KDM1A: variants seen among roughly 807,000 people sequenced by gnomAD.
KDM1A encodes lysine demethylase 1A, also known as lysine-specific histone demethylase 1A.
In KDM1A, 49 loss-of-function variants were observed where a neutral mutation model predicts 109.4. That is an observed-to-expected ratio of 0.45 (90% CI 0.36 to 0.57). KDM1A has a LOEUF of 0.57. Among genes scored for constraint, KDM1A ranks in the 20% least tolerant of loss-of-function variants. The probability of loss-of-function intolerance (pLI) is 0.00; values close to 1 mark genes in which losing one functional copy is unlikely to be tolerated. For synonymous variants in KDM1A, 380 were observed against 415.4 expected (o/e 0.91, Z 1.04); for missense variants, 668 against 1,116.6 (o/e 0.60, Z 5.73).
intron 1 of KDM1A, among the ~76,000 whole-genome samples, chr1:23,026,378 TTTTG>T (rs991565420): frequency 1.9e-5 from 2 of 105,212 alleles, no homozygotes; most frequent in Admixed American, 9.0e-5. Context: ...TGTTTTTGTT[TTTTG>T]TTTGTCTGTT....
chr1:23,019,622 C>T lies in KDM1A; in HGVS notation c.26C>T (p.Ala9Val), dbSNP rs751277416. 2.1e-6 allele frequency: 3 copies of T among 1,420,642 alleles called. No individual in the cohort carries two copies. Among genetic ancestry groups the T allele is most frequent in the South Asian group, 1.5e-5 (1 of 65,566 alleles). 88.0% of individuals were successfully genotyped at this position (1,420,642 alleles called of 1,614,324 possible). A position where few individuals can be genotyped will look rare whatever the true frequency, so the allele number is the denominator to read the frequency against. MLSGKKAA[A>V]AAAAAAAAAT... ...ATGTTATCTGGGAAGAAGGCGGCAGCCGCGGCGGCGGCGGCTGCAGCGGCA... is the reference window on the plus strand; with the variant it reads ...ATGTTATCTGGGAAGAAGGCGGCAGTCGCGGCGGCGGCGGCTGCAGCGGCA... Residue 9 changes from alanine to valine, a missense_variant, in exon 1 of 21, where the codon GCC (alanine) becomes GTC (valine). By Grantham distance (64) the Ala-to-Val change is moderately conservative (BLOSUM62 0). This residue lies in a region of KDM1A where 156 missense variants were observed against 163.4 expected (regional missense o/e 0.95). Coordinates refer to ENST00000400181, the MANE Select transcript of KDM1A (RefSeq NM_001009999.3).
intron 9 of KDM1A, among the ~76,000 whole-genome samples, chr1:23,061,910 T>C (rs567340719): frequency 4.8e-4 from 73 of 152,236 alleles, no homozygotes; most frequent in African/African-American, 1.7e-3. Flanking sequence ...CCACCCACCT[T>C]AGCCTCCCAA....
In KDM1A at chr1:23,079,780, A is replaced by C. The variant is rs1643566228; in HGVS notation, c.2170+113A>C. The C allele has an allele frequency of 3.3e-6, 2 of 610,226 alleles. No individual in the cohort carries two copies. The allele number at this position is 610,226 out of a possible 1,614,324, so 37.8% of individuals were successfully genotyped here. On this transcript the variant is annotated intron_variant, in intron 18 of 20. Transcript: ENST00000400181. This position sits in a 1 kb window ranked among gnomAD's most constrained non-coding sequence, Gnocchi z 5.6. ...TAATTTCTCTCTTTATTAACTCAACAAACAATTCCTGAAATACCTTCTAGG... is the reference window on the plus strand; with the variant it reads ...TAATTTCTCTCTTTATTAACTCAACCAACAATTCCTGAAATACCTTCTAGG...
intron 12 of KDM1A, 42 bp from the exon 13 acceptor site, chr1:23,071,183 C>T: frequency 6.5e-7 from 1 of 1,549,964 alleles, no homozygotes; most frequent in Non-Finnish European, 8.8e-7. Context: ...ACATAAACTA[C>T]ATTGCTATCT....
rs1643223419 is a variant in KDM1A at position 23,068,666 on chromosome 1, T to C, written c.1307T>C (p.Leu436Ser). Residue 436 changes from leucine (L) to serine (S), a missense_variant, in exon 11 of 21, where the codon TTG (leucine) becomes TCG (serine). Leu to Ser is a moderately radical substitution (Grantham distance 145). Around this residue, in one of 8 missense-constraint regions of KDM1A, gnomAD observed 62 missense variants for 82.8 expected, o/e 0.75. Coordinates refer to ENST00000400181, the MANE Select transcript of KDM1A (RefSeq NM_001009999.3). ...NNKPVSLGQA[L>S]EVVIQLQEKH... ...AAGCCTGTGTCCCTTGGCCAGGCATTGGAAGTTGTCATTCAGTAAGTACTT... is the reference window on the plus strand; with the variant it reads ...AAGCCTGTGTCCCTTGGCCAGGCATCGGAAGTTGTCATTCAGTAAGTACTT... 2 of 1,563,220 alleles carry C rather than the reference T, an allele frequency of 1.3e-6. No homozygotes were observed. The highest frequency in any genetic ancestry group is 1.7e-6 in the Non-Finnish European group (2 of 1,164,374).
At chr1:23,039,564 A>G (rs1250811278) in intron 2 of KDM1A, among the ~76,000 whole-genome samples, 1 of 152,216 alleles carries the variant, frequency 6.6e-6, no homozygotes, top group Non-Finnish European at 1.5e-5. Context: ...AGGTTTGGGT[A>G]CTGGAAAGGG....
chr1:23,083,644 TTTG>T lies in KDM1A; in HGVS notation c.*283_*285del, dbSNP rs1381469907. ...TCTTAGTCCCTTGGTGTGTGGGGTT[TTTG>T]TTTTTTTTTTATATTTTGAGAATAA... On this transcript the variant is annotated 3_prime_UTR_variant, in exon 21 of 21. Coordinates refer to ENST00000400181, the MANE Select transcript of KDM1A (RefSeq NM_001009999.3). The T allele has an allele frequency of 4.7e-5, 10 of 211,932 alleles. No homozygotes were observed. The East Asian group carries it at 6.0e-4, about 13-fold the overall frequency. 13.1% of individuals were successfully genotyped at this position (211,932 alleles called of 1,614,324 possible). A position where few individuals can be genotyped will look rare whatever the true frequency, so the allele number is the denominator to read the frequency against.
chr1:23,077,069 G>A (rs1363415433), intron 15 of KDM1A, among the ~76,000 whole-genome samples, 159 bp from the exon 16 acceptor site: 2 of 151,850 alleles, frequency 1.3e-5, no homozygotes, highest in African/African-American at 4.8e-5. Flanking sequence ...AGTTTCCTTT[G>A]GTAACTGTAG....
chr1:23,078,772 T>A (rs1303856118), intron 16 of KDM1A, among the ~76,000 whole-genome samples: 1 of 152,248 alleles, frequency 6.6e-6, no homozygotes, highest in African/African-American at 2.4e-5. Context: ...GATTCTGAAG[T>A]TGACTACAAG....
At chr1:23,029,184 A>G (rs377183191) in intron 1 of KDM1A, among the ~76,000 whole-genome samples, 6 of 152,352 alleles carry the variant, frequency 3.9e-5, no homozygotes, top group Non-Finnish European at 5.9e-5. Context: ...AGCTATATCA[A>G]AGACATTTAG....
intron 2 of KDM1A, among the ~76,000 whole-genome samples, chr1:23,042,788 G>A (rs949239858): frequency 2.0e-5 from 3 of 150,452 alleles, no homozygotes; most frequent in African/African-American, 2.5e-5. Flanking sequence ...TTGCTCTGTC[G>A]CCCAGGCTGG....
chr1:23,074,511 C>T (rs1643407309), intron 15 of KDM1A, among the ~76,000 whole-genome samples: 1 of 152,010 alleles, frequency 6.6e-6, no homozygotes, highest in Non-Finnish European at 1.5e-5. Context: ...ATCATGGCTC[C>T]CTTGCAGCCT....
chr1:23,058,215 G>A (rs1212209216), intron 8 of KDM1A, among the ~76,000 whole-genome samples: 1 of 152,018 alleles, frequency 6.6e-6, no homozygotes, highest in African/African-American at 2.4e-5. Flanking sequence ...TTGTAGAGAT[G>A]AGGTCTCACT....
At chr1:23,057,306 A>G (rs763154651) in intron 7 of KDM1A, among the ~76,000 whole-genome samples, 178 bp from the exon 8 acceptor site, 9 of 152,208 alleles carry the variant, frequency 5.9e-5, no homozygotes, top group Non-Finnish European at 1.2e-4. Context: ...TTCTCCTTCA[A>G]ATAGTCTTCA....
At chr1:23,020,015 CCCCCG>C in intron 1 of KDM1A, 68 bp downstream of exon 1, 1 of 1,384,564 alleles carries the variant, frequency 7.2e-7, no homozygotes, top group East Asian at 3.1e-5. Flanking sequence ...TCTCCGCCCT[CCCCCG>C]CCGCCGCCGG....
intron 1 of KDM1A, among the ~76,000 whole-genome samples, chr1:23,025,329 ATTTT>A (rs35274209): frequency 1.6e-5 from 2 of 128,948 alleles, no homozygotes; most frequent in Non-Finnish European, 1.7e-5. Flanking sequence ...AAGATGAAAG[ATTTT>A]TTTTTTTTTT....
At chr1:23,039,530 T>C (rs2124410577) in intron 2 of KDM1A, among the ~76,000 whole-genome samples, 1 of 152,346 alleles carries the variant, frequency 6.6e-6, no homozygotes, top group East Asian at 1.9e-4. Context: ...ACACTTTTCC[T>C]TCATTACTAC....
chr1:23,021,243 G>A (rs957920346), intron 1 of KDM1A, among the ~76,000 whole-genome samples: 2 of 152,186 alleles, frequency 1.3e-5, no homozygotes, highest in African/African-American at 4.8e-5. Flanking sequence ...CAAAGCATGG[G>A]TTAGAAAAGC....
intron 2 of KDM1A, among the ~76,000 whole-genome samples, chr1:23,033,935 T>G (rs910970540): frequency 6.6e-6 from 1 of 152,204 alleles, no homozygotes; most frequent in Non-Finnish European, 1.5e-5. Flanking sequence ...ATTGGAGAGA[T>G]AATTTAGGCT....
Sources: gnomAD v4.1 joint callset for allele counts (sites outside exome capture counted in the v4.1 genomes callset) on GRCh38, gnomAD v4.1.1 for gene constraint, gnomAD v4.1.1 regional missense constraint, Gnocchi (gnomAD v3.1) non-coding constraint, MANE v1.5 for transcripts, NCBI Gene and HGNC (gene_info 2026-07-23, HGNC 2026-07-21) for gene names.